The following GARIN2 variants were observed in gnomAD, a reference collection of about 807,000 sequenced individuals.
GARIN2 encodes golgi associated RAB2 interactor family member 2.
the GARIN2 span, chr14:67,200,432 C>G: frequency 1.2e-5 from 6 of 505,284 alleles, no homozygotes; most frequent in South Asian, 1.6e-4. Context: ...TAATCCCTTT[C>G]AGCACCCCCA....
At chr14:67,207,035 A>G in the GARIN2 span, among the ~76,000 whole-genome samples, 2 of 152,190 alleles carry the variant, frequency 1.3e-5, no homozygotes, top group African/African-American at 2.4e-5. Context: ...TTTTCCAAAT[A>G]CGCTATAATA....
the GARIN2 span, among the ~76,000 whole-genome samples, chr14:67,202,024 G>A: frequency 5.3e-5 from 8 of 152,282 alleles, no homozygotes; most frequent in South Asian, 1.7e-3. Context: ...TCAGGTATCA[G>A]CTAGAGGTCT....
the GARIN2 span, among the ~76,000 whole-genome samples, chr14:67,214,225 C>T: frequency 2.6e-5 from 4 of 152,278 alleles, no homozygotes; most frequent in South Asian, 2.1e-4. Flanking sequence ...GTGTTTTAGA[C>T]GTGAAGTCCT....
chr14:67,197,718 A>G, the GARIN2 span, among the ~76,000 whole-genome samples: 161 of 152,302 alleles, frequency 1.1e-3, no homozygotes, highest in African/African-American at 3.6e-3. Context: ...AGAATCCTGC[A>G]TGATGAAGAG....
chr14:67,225,226 A>G, the GARIN2 span: 1 of 1,528,040 alleles, frequency 6.5e-7, no homozygotes, highest in Non-Finnish European at 8.8e-7. Context: ...AAAACAGAAA[A>G]AGACAAAGTT....
the GARIN2 span, chr14:67,221,680 C>G: frequency 6.5e-7 from 1 of 1,538,286 alleles, no homozygotes; most frequent in Non-Finnish European, 8.8e-7. Flanking sequence ...ACCCACAGAG[C>G]ATTTAAAGAA....
the GARIN2 span, chr14:67,201,446 G>A: frequency 2.2e-6 from 1 of 455,908 alleles, no homozygotes; most frequent in African/African-American, 2.0e-5. Flanking sequence ...TCCCCTCAGG[G>A]CCTCACATCT....
the GARIN2 span, among the ~76,000 whole-genome samples, chr14:67,213,735 G>A: frequency 1.1e-4 from 17 of 152,218 alleles, no homozygotes; most frequent in East Asian, 1.9e-4. Flanking sequence ...CTGAGGAATC[G>A]CCACACTGAC....
the GARIN2 span, chr14:67,201,849 T>G: frequency 5.5e-6 from 1 of 182,166 alleles, no homozygotes; most frequent in Non-Finnish European, 1.2e-5. Flanking sequence ...GTAGCTCCTC[T>G]CTGCCTTCCT....
At chr14:67,195,814 G>A in the GARIN2 span, among the ~76,000 whole-genome samples, 2 of 151,296 alleles carry the variant, frequency 1.3e-5, no homozygotes, top group African/African-American at 2.4e-5. Flanking sequence ...CACGATCTCA[G>A]CTCACTGCCA....
chr14:67,221,656 C>G, the GARIN2 span: 1 of 1,453,156 alleles, frequency 6.9e-7, no homozygotes, highest in South Asian at 1.3e-5. Context: ...GTTTGCTAAA[C>G]GTGTTTCATT....
the GARIN2 span, among the ~76,000 whole-genome samples, chr14:67,211,007 AAAC>A: frequency 4.6e-5 from 7 of 152,132 alleles, no homozygotes; most frequent in African/African-American, 1.7e-4. Flanking sequence ...CTCAAAAAAC[AAAC>A]AAAAACAGAG....
At chr14:67,228,102 A>G in the GARIN2 span, among the ~76,000 whole-genome samples, 1 of 150,900 alleles carries the variant, frequency 6.6e-6, no homozygotes, top group Non-Finnish European at 1.5e-5. Context: ...CCCAGGAGGC[A>G]GGGGTTGCAG....
At chr14:67,208,048 C>T in the GARIN2 span, 2 of 667,402 alleles carry the variant, frequency 3.0e-6, no homozygotes, top group South Asian at 6.7e-5. Flanking sequence ...TCCCAATGGT[C>T]GTGCCATTCT....
At chr14:67,190,172 C>T in the GARIN2 span, among the ~76,000 whole-genome samples, 1 of 150,582 alleles carries the variant, frequency 6.6e-6, no homozygotes, top group African/African-American at 2.4e-5. Flanking sequence ...GCCTCAGCCT[C>T]CCAAAATGCT....
the GARIN2 span, chr14:67,197,994 A>G: frequency 4.4e-6 from 3 of 689,050 alleles, no homozygotes; most frequent in Admixed American, 6.0e-5. Context: ...GTTTAGATGT[A>G]TGTATTAATA....
At chr14:67,207,963 T>C in the GARIN2 span, among the ~76,000 whole-genome samples, 1 of 152,174 alleles carries the variant, frequency 6.6e-6, no homozygotes, top group Non-Finnish European at 1.5e-5. Flanking sequence ...CAACACGAGC[T>C]GGGGAACATG....
At chr14:67,214,159 C>G in the GARIN2 span, among the ~76,000 whole-genome samples, 1 of 152,150 alleles carries the variant, frequency 6.6e-6, no homozygotes, top group Admixed American at 6.5e-5. Flanking sequence ...TGCAGAAGCT[C>G]TTTAGTTTAA....
At chr14:67,193,812 G>A in the GARIN2 span, among the ~76,000 whole-genome samples, 2 of 148,818 alleles carry the variant, frequency 1.3e-5, no homozygotes, top group African/African-American at 4.9e-5. Context: ...GGGTATGGTA[G>A]CGTGTACCTG....
Sources: allele counts gnomAD v4.1 joint callset (sites outside exome capture counted in the v4.1 genomes callset), GRCh38; gene constraint gnomAD v4.1.1; transcripts MANE v1.5; gene names NCBI Gene and HGNC (gene_info 2026-07-23, HGNC 2026-07-21).